The following KCNH5 variants were observed in gnomAD, a reference collection of about 807,000 sequenced individuals.
KCNH5 encodes the protein potassium voltage-gated channel subfamily H member 5.
KCNH5 carries 46 observed loss-of-function variants against 96.1 expected under a neutral mutation model. The ratio of observed to expected loss-of-function variants is 0.48; its 90% CI spans 0.38 to 0.61. The LOEUF (loss-of-function observed/expected upper bound fraction) is 0.61. KCNH5 is among the 20% of genes least tolerant of loss of function. The pLI, the probability that KCNH5 is intolerant of heterozygous loss-of-function variation, is 0.00. For missense variants in KCNH5, 907 were observed against 1,225.8 expected (o/e 0.74, Z 3.88); for synonymous variants, 439 against 449.8 (o/e 0.98, Z 0.30).
chr14:62,934,517 A>G (rs967451810), intron 7 of KCNH5, among the ~76,000 whole-genome samples: 2 of 152,170 alleles, frequency 1.3e-5, no homozygotes, highest in African/African-American at 4.8e-5. Flanking sequence ...TGGCAAGTGC[A>G]TTTATGCCAG....
At chr14:62,991,832 T>C (rs544388828) in intron 4 of KCNH5, among the ~76,000 whole-genome samples, 178 of 152,208 alleles carry the variant, frequency 1.2e-3, no homozygotes, top group African/African-American at 4.1e-3. Flanking sequence ...CATGATAGTC[T>C]TCTTTTTAAT....
chr14:62,996,699 T>C (rs1465897528), intron 4 of KCNH5, among the ~76,000 whole-genome samples: 1 of 152,216 alleles, frequency 6.6e-6, no homozygotes, highest in South Asian at 2.1e-4. Flanking sequence ...CTGCAAAATG[T>C]TGCCGACTTT....
intron 10 of KCNH5, among the ~76,000 whole-genome samples, chr14:62,719,777 T>G (rs749465186): frequency 4.6e-5 from 7 of 152,216 alleles, no homozygotes; most frequent in Non-Finnish European, 7.3e-5. Context: ...GTCTACCTAT[T>G]AAGCTACGTT....
chr14:62,981,723 G>T (rs1008981208), intron 5 of KCNH5, among the ~76,000 whole-genome samples: 2 of 152,216 alleles, frequency 1.3e-5, no homozygotes, highest in African/African-American at 4.8e-5. Flanking sequence ...GTTGTTGAGT[G>T]ATACTCAGCA....
chr14:62,910,583 G>T (rs1889129719), intron 7 of KCNH5, among the ~76,000 whole-genome samples: 1 of 152,066 alleles, frequency 6.6e-6, no homozygotes, highest in African/African-American at 2.4e-5. Flanking sequence ...AGGTAGTTTT[G>T]GAAAGAACAT....
intron 6 of KCNH5, among the ~76,000 whole-genome samples, chr14:62,959,333 G>A (rs377730852): frequency 1.3e-5 from 2 of 152,168 alleles, no homozygotes; most frequent in African/African-American, 4.8e-5. Context: ...ATATTTCAGG[G>A]TATGTCTCTA....
At chr14:62,747,426 T>C (rs973759054) in intron 10 of KCNH5, among the ~76,000 whole-genome samples, 1 of 152,256 alleles carries the variant, frequency 6.6e-6, no homozygotes, top group Non-Finnish European at 1.5e-5. Context: ...TTTGCCATTT[T>C]TCCCAATGCT....
chr14:62,947,593 T>C (rs1020653580), intron 7 of KCNH5, among the ~76,000 whole-genome samples: 1 of 152,150 alleles, frequency 6.6e-6, no homozygotes, highest in African/African-American at 2.4e-5. Flanking sequence ...GAAAACTACC[T>C]GCTTAGACTC....
At chr14:62,791,384 A>T (rs996858612) in intron 9 of KCNH5, among the ~76,000 whole-genome samples, 3 of 151,580 alleles carry the variant, frequency 2.0e-5, no homozygotes, top group Non-Finnish European at 3.0e-5. Context: ...CTACAAAATA[A>T]CCAAGCAACA....
At chr14:63,031,413 T>C (rs1308628394) in intron 1 of KCNH5, among the ~76,000 whole-genome samples, 1 of 152,086 alleles carries the variant, frequency 6.6e-6, no homozygotes, top group African/African-American at 2.4e-5. Context: ...TTATATTCAG[T>C]CAATAAAGGC....
chr14:62,734,247 T>C (rs935241560), intron 10 of KCNH5, among the ~76,000 whole-genome samples: 1 of 152,164 alleles, frequency 6.6e-6, no homozygotes, highest in Non-Finnish European at 1.5e-5. Flanking sequence ...ATTTCCAAAA[T>C]GAAAATCTGC....
At chr14:62,990,791 C>T (rs1298755957) in intron 4 of KCNH5, among the ~76,000 whole-genome samples, 1 of 152,050 alleles carries the variant, frequency 6.6e-6, no homozygotes, top group Non-Finnish European at 1.5e-5. Flanking sequence ...GTTTAATTGA[C>T]TCACAGTTAC....
chr14:62,887,334 T>G (rs1888617718), intron 7 of KCNH5, among the ~76,000 whole-genome samples: 1 of 152,170 alleles, frequency 6.6e-6, no homozygotes, highest in South Asian at 2.1e-4. Flanking sequence ...CTGCAAACTA[T>G]AATGATAAAT....
At chr14:62,938,014 C>T (rs914818803) in intron 7 of KCNH5, among the ~76,000 whole-genome samples, 2 of 152,138 alleles carry the variant, frequency 1.3e-5, no homozygotes, top group African/African-American at 4.8e-5. Context: ...ATTCCCATAC[C>T]GAAGTCTCAT....
chr14:63,026,464 T>C (rs888366274), intron 1 of KCNH5, among the ~76,000 whole-genome samples: 1 of 151,690 alleles, frequency 6.6e-6, no homozygotes, highest in Non-Finnish European at 1.5e-5. Context: ...ACCAAACATA[T>C]AAGGGGTTAA....
intron 10 of KCNH5, chr14:62,712,751 A>G (rs150973694): frequency 9.1e-6 from 7 of 772,012 alleles, no homozygotes; most frequent in Non-Finnish European, 1.7e-5. Context: ...TTGAAGCTGT[A>G]TACTTGCTGG....
At position 62,802,541 on chromosome 14, in the gene KCNH5, C is replaced by T. The variant is rs1566665279; in HGVS notation, c.1610G>A (p.Cys537Tyr). Residue 537 changes from cysteine to tyrosine, a missense_variant, in exon 9 of 11, where the codon TGT becomes TAT. Coordinates refer to ENST00000322893, the MANE Select transcript of KCNH5 (RefSeq NM_139318.5). ...ICPKDMRADI[C>Y]VHLNRKVFNE... Reference sequence around the variant, plus strand: ...AAAAACCTTCCGGTTTAGATGAACACAGATATCAGCTCTCATGTCCTTGGG... The same window carrying T: ...AAAAACCTTCCGGTTTAGATGAACATAGATATCAGCTCTCATGTCCTTGGG... The T allele has an allele frequency of 6.2e-7, 1 of 1,614,058 alleles. No individual in the cohort carries two copies. The highest frequency in any genetic ancestry group is 8.5e-7 in the Non-Finnish European group (1 of 1,179,998).
chr14:62,830,580 G>A (rs978282126), intron 8 of KCNH5, among the ~76,000 whole-genome samples: 5 of 152,198 alleles, frequency 3.3e-5, no homozygotes, highest in Admixed American at 1.3e-4. Context: ...TTAAACCATC[G>A]GATCTTGTGA....
At chr14:62,808,182 G>A (rs1477190883) in intron 8 of KCNH5, among the ~76,000 whole-genome samples, 1 of 152,132 alleles carries the variant, frequency 6.6e-6, no homozygotes, top group African/African-American at 2.4e-5. Context: ...AAGGAAAGTG[G>A]AATGGACTTT....
Sources: gnomAD v4.1 joint callset for allele counts (sites outside exome capture counted in the v4.1 genomes callset) on GRCh38, gnomAD v4.1.1 for gene constraint, MANE v1.5 for transcripts, NCBI Gene and HGNC (gene_info 2026-07-23, HGNC 2026-07-21) for gene names.